Variants in FBXL13 observed in about 807,000 individuals in gnomAD.
FBXL13 encodes the protein F-box and leucine rich repeat protein 13, also known as F-box and leucine-rich repeat protein 13.
Under a neutral mutation model 83.6 loss-of-function variants are expected in FBXL13, and 67 were observed. The observed-to-expected ratio is 0.80, with a 90% CI of 0.66 to 0.98. The LOEUF is 0.98. Among genes scored for constraint, FBXL13 ranks in the 50% least tolerant of loss-of-function variants. The pLI, the probability that FBXL13 is intolerant of heterozygous loss-of-function variation, is 0.00. For missense variants in FBXL13, 822 were observed against 866.5 expected (o/e 0.95, Z 0.64); for synonymous variants, 272 against 299.5 (o/e 0.91, Z 0.95).
intron 10 of FBXL13, among the ~76,000 whole-genome samples, chr7:102,925,794 AGCCAGG>A (rs1416571034): frequency 2.6e-5 from 4 of 152,120 alleles, no homozygotes; most frequent in Non-Finnish European, 5.9e-5. Flanking sequence ...ATACAAAAAT[AGCCAGG>A]CGTGGTGGTG....
At chr7:102,825,404 G>C (rs1353940145) in intron 18 of FBXL13, among the ~76,000 whole-genome samples, 1 of 152,176 alleles carries the variant, frequency 6.6e-6, no homozygotes, top group Non-Finnish European at 1.5e-5. Context: ...GCGATTCCCT[G>C]CGTTGCCTTG....
chr7:103,046,295 G>GA (rs1361628476), intron 2 of FBXL13, among the ~76,000 whole-genome samples: 1 of 149,022 alleles, frequency 6.7e-6, no homozygotes, highest in Non-Finnish European at 1.5e-5. Flanking sequence ...TTTCACAAGA[G>GA]AATTTAAAGT....
intron 6 of FBXL13, among the ~76,000 whole-genome samples, chr7:102,972,538 C>T (rs2129482417): frequency 6.6e-6 from 1 of 152,124 alleles, no homozygotes; most frequent in Middle Eastern, 3.4e-3. Flanking sequence ...GATTTAAATA[C>T]TCAATAAATA....
chr7:102,997,087 T>G (rs1404525947), intron 6 of FBXL13, among the ~76,000 whole-genome samples: 1 of 152,210 alleles, frequency 6.6e-6, no homozygotes, highest in Non-Finnish European at 1.5e-5. Context: ...ACCTTATCCC[T>G]TTATTCTTCT....
intron 17 of FBXL13, among the ~76,000 whole-genome samples, chr7:102,853,208 C>T (rs961705982): frequency 6.6e-6 from 1 of 152,090 alleles, no homozygotes; most frequent in African/African-American, 2.4e-5. Context: ...TAAAAGACTA[C>T]AAATTGAGTA....
intron 8 of FBXL13, among the ~76,000 whole-genome samples, chr7:102,960,261 A>G (rs1477310839): frequency 2.6e-5 from 4 of 152,144 alleles, no homozygotes; most frequent in African/African-American, 9.7e-5. Flanking sequence ...CCGGACACAT[A>G]CACTCTCCCA....
At chr7:102,963,384 T>C (rs531027665) in intron 8 of FBXL13, 149 bp downstream of exon 9, 118 of 876,256 alleles carry the variant, frequency 1.3e-4, no homozygotes, top group Non-Finnish European at 1.7e-4. Flanking sequence ...AGAGCTGCAC[T>C]ATATTATACA....
intron 16 of FBXL13, among the ~76,000 whole-genome samples, chr7:102,860,453 G>A (rs1020816560): frequency 6.6e-6 from 1 of 152,188 alleles, no homozygotes; most frequent in Admixed American, 6.5e-5. Flanking sequence ...CATGGACAGA[G>A]ACTTCATGTG....
At chr7:102,974,200 C>T (rs547293120) in intron 6 of FBXL13, among the ~76,000 whole-genome samples, 1 of 152,274 alleles carries the variant, frequency 6.6e-6, no homozygotes, top group East Asian at 1.9e-4. Flanking sequence ...ACTATCCTGG[C>T]TAACACGGTG....
rs1346461499 is a variant in FBXL13, at chr7:103,027,430, T to C, written c.327+19A>G. ...CTGAAACATTCGGATTCTTAAAAAA[T>C]TGTTTCAATATACAATACCAGCTCA... On this transcript the variant is annotated intron_variant, in intron 5 of 19. Coordinates refer to ENST00000313221, the Ensembl canonical transcript of FBXL13. 7.9e-6 allele frequency: 12 copies of C among 1,526,186 alleles called. No individual in the cohort carries two copies. Among genetic ancestry groups the C allele is most frequent in the Non-Finnish European group, 1.1e-5 (12 of 1,109,006 alleles). The allele number at this position is 1,526,186 out of a possible 1,614,324, so 94.5% of individuals were successfully genotyped here. A position where few individuals can be genotyped will look rare whatever the true frequency, so the allele number is the denominator to read the frequency against.
intron 6 of FBXL13, among the ~76,000 whole-genome samples, chr7:102,993,291 T>C (rs1031306092): frequency 2.0e-5 from 3 of 152,246 alleles, no homozygotes; most frequent in African/African-American, 7.2e-5. Context: ...CATCTGGCTC[T>C]TTTACAACAT....
chr7:102,920,429 C>A (rs756068925), intron 10 of FBXL13, among the ~76,000 whole-genome samples: 1 of 152,004 alleles, frequency 6.6e-6, no homozygotes, highest in African/African-American at 2.4e-5. Flanking sequence ...TGACTCACTG[C>A]AGCCTCAACC....
chr7:102,969,486 G>GA lies in FBXL13; in HGVS notation c.496-1370dup, dbSNP rs550627644. On this transcript the variant is annotated intron_variant, in intron 6 of 19. Coordinates refer to ENST00000313221, the Ensembl canonical transcript of FBXL13. ...CGTGACTGTAATTGAAACTGAGTCAGAAAAAAAAAAGAAAAGAGAGAGAGA... is the reference window on the plus strand; with the variant it reads ...CGTGACTGTAATTGAAACTGAGTCAGAAAAAAAAAAAGAAAAGAGAGAGAGA... 1.9e-3 allele frequency among the ~76,000 whole-genome samples: 275 copies of GA among 141,650 alleles called. 3 individuals are homozygous for GA. Among genetic ancestry groups the GA allele is most frequent in the Non-Finnish European group, 2.3e-3 (147 of 64,740 alleles). 92.9% of individuals were successfully genotyped at this position (141,650 alleles called of 152,430 possible).
intron 1 of FBXL13, among the ~76,000 whole-genome samples, chr7:103,070,613 G>A (rs1036965281): frequency 3.3e-5 from 5 of 152,158 alleles, no homozygotes; most frequent in East Asian, 1.9e-4. Context: ...AGTTGTATGC[G>A]GCTCAGGGTT....
intron 15 of FBXL13, among the ~76,000 whole-genome samples, chr7:102,878,030 G>A (rs532462385): frequency 6.6e-6 from 1 of 152,088 alleles, no homozygotes; most frequent in South Asian, 2.1e-4. Context: ...TAATCTCCTG[G>A]AAAAGGGAGA....
intron 17 of FBXL13, among the ~76,000 whole-genome samples, chr7:102,843,959 G>A (rs993012330): frequency 3.9e-5 from 6 of 152,008 alleles, no homozygotes; most frequent in African/African-American, 1.5e-4. Context: ...CAGACAACAG[G>A]GTGCTGACCT....
intron 2 of FBXL13, among the ~76,000 whole-genome samples, chr7:103,049,139 C>A (rs1432619744): frequency 6.6e-6 from 1 of 152,278 alleles, no homozygotes; most frequent in South Asian, 2.1e-4. Context: ...TCTACAAGAT[C>A]CTTTCTTATA....
intron 11 of FBXL13, among the ~76,000 whole-genome samples, chr7:102,900,151 T>G (rs1424587177): frequency 1.3e-5 from 2 of 152,254 alleles, no homozygotes; most frequent in Non-Finnish European, 2.9e-5. Flanking sequence ...CATCATCATT[T>G]ATTTTTTCTA....
intron 16 of FBXL13, among the ~76,000 whole-genome samples, chr7:102,868,752 C>T (rs1381161513): frequency 3.3e-5 from 5 of 152,252 alleles, no homozygotes; most frequent in Admixed American, 3.3e-4. Context: ...ACTGCAACCT[C>T]TGCCTCCTGG....
Sources: gnomAD v4.1 joint callset for allele counts (sites outside exome capture counted in the v4.1 genomes callset) on GRCh38, gnomAD v4.1.1 for gene constraint, MANE v1.5 for transcripts, NCBI Gene and HGNC (gene_info 2026-07-23, HGNC 2026-07-21) for gene names.